The following FOXN2 variants were observed in gnomAD, a reference collection of about 807,000 sequenced individuals.
The protein encoded by FOXN2 is forkhead box protein N2.
In FOXN2, 19 loss-of-function variants were observed where a neutral mutation model predicts 41.2. That is an observed-to-expected ratio of 0.46 (90% CI 0.32 to 0.68). The LOEUF is 0.68. FOXN2 is among the 30% of genes least tolerant of loss of function. The pLI is 0.03. For synonymous variants in FOXN2, 195 were observed against 176.8 expected, an observed-to-expected ratio of 1.10 and a Z score of -0.82; for missense variants, 587 against 509.4, an observed-to-expected ratio of 1.15 and a Z score of -1.47.
chr2:48,337,206 A>G (rs1016543596), intron 2 of FOXN2, among the ~76,000 whole-genome samples: 4 of 152,048 alleles, frequency 2.6e-5, no homozygotes, highest in Admixed American at 6.5e-5. Context: ...AAGTGAGAAC[A>G]TGCGACGTTT....
chr2:48,320,031 A>G (rs1437740086), intron 1 of FOXN2, among the ~76,000 whole-genome samples: 1 of 151,962 alleles, frequency 6.6e-6, no homozygotes, highest in Non-Finnish European at 1.5e-5. Flanking sequence ...TGACACATTT[A>G]TATCTTTGTA....
intron 2 of FOXN2, among the ~76,000 whole-genome samples, chr2:48,341,640 A>G (rs961954443): frequency 1.3e-5 from 2 of 152,234 alleles, no homozygotes; most frequent in Admixed American, 6.5e-5. Flanking sequence ...ATTTGGAAAG[A>G]AGAGCTCATT....
In FOXN2 at chr2:48,336,447, GTGTGTGTGTGTA is replaced by G. The variant is rs1190365398; in HGVS notation, c.-15+7747_-15+7758del. ...TATATATATGTATATGTGTGTGTGT[GTGTGTGTGTGTA>G]TATATATTTATTTATTTACGAGCAG... On this transcript the variant is annotated intron_variant, in intron 2 of 6. Coordinates refer to ENST00000340553, the MANE Select transcript of FOXN2 (RefSeq NM_002158.4). Among the ~76,000 whole-genome samples, 115 of 148,528 alleles carry G rather than the reference GTGTGTGTGTGTA, an allele frequency of 7.7e-4. 3 individuals are homozygous for G. The South Asian group carries it at 0.022, about 28-fold the overall frequency.
intron 3 of FOXN2, among the ~76,000 whole-genome samples, chr2:48,349,623 A>G (rs1388796446): frequency 6.6e-6 from 1 of 152,102 alleles, no homozygotes; most frequent in African/African-American, 2.4e-5. Context: ...AAAATACAAC[A>G]AATTAGCCAG....
intron 2 of FOXN2, among the ~76,000 whole-genome samples, 174 bp downstream of exon 2, chr2:48,328,876 C>G (rs1287643616): frequency 6.6e-6 from 1 of 151,812 alleles, no homozygotes; most frequent in Non-Finnish European, 1.5e-5. Context: ...TGGTTCTTTT[C>G]TATTGTATTT....
intron 5 of FOXN2, among the ~76,000 whole-genome samples, chr2:48,366,810 A>G (rs951211789): frequency 2.0e-5 from 3 of 151,902 alleles, no homozygotes; most frequent in Admixed American, 6.6e-5. Context: ...GAATAATTCT[A>G]ATTTCAAAGC....
intron 5 of FOXN2, among the ~76,000 whole-genome samples, chr2:48,367,254 G>A (rs1672593797): frequency 6.6e-6 from 1 of 152,092 alleles, no homozygotes; most frequent in African/African-American, 2.4e-5. Context: ...AAATTCACCT[G>A]TTTAAAAATA....
intron 1 of FOXN2, among the ~76,000 whole-genome samples, chr2:48,315,431 C>T (rs961309654): frequency 2.0e-5 from 3 of 152,152 alleles, no homozygotes; most frequent in Non-Finnish European, 4.4e-5. Flanking sequence ...GGCACCCTCT[C>T]GCCCCTCCAC....
In FOXN2 at chr2:48,377,082, A is replaced by G. The variant is rs1558646973; in HGVS notation, c.*1639A>G. On this transcript the variant is annotated 3_prime_UTR_variant, in exon 7 of 7. Coordinates refer to ENST00000340553, the MANE Select transcript of FOXN2 (RefSeq NM_002158.4). ...CTTTAAGTCAGGGATAACAGTATTA[A>G]TGTTCTCTGTTCTGTTTCCATGTTA... 6.6e-6 allele frequency: 1 copy of G among 151,984 alleles called. No individual in the cohort carries two copies. Among genetic ancestry groups the G allele is most frequent in the African/African-American group, 2.4e-5 (1 of 41,434 alleles). The allele number at this position is 151,984 out of a possible 1,614,324, so 9.4% of individuals were successfully genotyped here.
At chr2:48,314,541 C>A (rs900184145), upstream of FOXN2, 1 of 152,284 alleles carries the variant, frequency 6.6e-6, no homozygotes, top group Non-Finnish European at 1.5e-5. Context: ...CGGCCGAGCC[C>A]CCTTCCTCGG....
chr2:48,336,774 G>A (rs920139578), intron 2 of FOXN2, among the ~76,000 whole-genome samples: 1 of 151,790 alleles, frequency 6.6e-6, no homozygotes, highest in African/African-American at 2.4e-5. Flanking sequence ...GGAAAATGTT[G>A]AAAGTAAAAT....
rs141222849 is a variant in FOXN2 at position 48,359,093 on chromosome 2, C to G, written c.584C>G (p.Pro195Arg). ...TGGTGTGTTGATCCGGAATATAAACCCAATCTTATCCAGGCACTGAAGAAG... is the reference window on the plus strand; with the variant it reads ...TGGTGTGTTGATCCGGAATATAAACGCAATCTTATCCAGGCACTGAAGAAG... ...SLWCVDPEYKPNLIQALKKQP... is the reference protein window; with the variant it reads ...SLWCVDPEYKRNLIQALKKQP... Residue 195 changes from proline to arginine, a missense_variant, in exon 4 of 7, where the codon CCC becomes CGC. By Grantham distance (103) the Pro-to-Arg change is moderately radical. Coordinates refer to ENST00000340553, the MANE Select transcript of FOXN2 (RefSeq NM_002158.4). 4.3e-6 allele frequency: 7 copies of G among 1,613,346 alleles called. No homozygotes were observed. In the African/African-American group the frequency reaches 9.3e-5, roughly 22 times the overall value.
chr2:48,361,483 G>A (rs1026672057), intron 4 of FOXN2, among the ~76,000 whole-genome samples: 19 of 149,780 alleles, frequency 1.3e-4, no homozygotes, highest in Admixed American at 3.3e-4. Context: ...AAAAAAAAAA[G>A]ATTAAACTAC....
intron 5 of FOXN2, among the ~76,000 whole-genome samples, chr2:48,363,380 TAAA>T (rs995775083): frequency 2.0e-5 from 3 of 150,606 alleles, no homozygotes; most frequent in Admixed American, 1.3e-4. Flanking sequence ...TTTAAAAAAT[TAAA>T]AAGTTTATAA....
rs1031905226 is a variant in FOXN2, at chr2:48,346,817, A to G, written c.537+66A>G. 6.8e-6 allele frequency: 9 copies of G among 1,328,662 alleles called. No individual in the cohort carries two copies. The African/African-American group carries it at 1.2e-4, about 17-fold the overall frequency. The allele number at this position is 1,328,662 out of a possible 1,614,324, so 82.3% of individuals were successfully genotyped here. On this transcript the variant is annotated intron_variant, in intron 3 of 6. Transcript: ENST00000340553. ...GGACTAATTAACATGGAGCCCTTAA[A>G]ATATCTGGAAATCGGGGAGACAATA...
intron 3 of FOXN2, among the ~76,000 whole-genome samples, chr2:48,351,879 A>G (rs1291420851): frequency 6.6e-6 from 1 of 152,220 alleles, no homozygotes; most frequent in African/African-American, 2.4e-5. Context: ...TGCTTTGAAA[A>G]AAGAGAACAG....
rs564012324 is a variant in FOXN2 at position 48,354,468 on chromosome 2, C to T, written c.538-4579C>T. 8.5e-5 allele frequency among the ~76,000 whole-genome samples: 13 copies of T among 152,234 alleles called. No homozygotes were observed. In the South Asian group the frequency reaches 2.7e-3, roughly 32 times the overall value. ...TACAAAAATTAGCTGGGTGTGGTGG[C>T]GTGTGCCTGTAATCCCAGCTACTTG... On this transcript the variant is annotated intron_variant, in intron 3 of 6. Coordinates refer to ENST00000340553, the MANE Select transcript of FOXN2 (RefSeq NM_002158.4).
chr2:48,359,145 AAAGT>A lies in FOXN2; in HGVS notation c.638+2_638+5del. 1 of 1,610,858 alleles carries A rather than the reference AAAGT, an allele frequency of 6.2e-7. No homozygotes were observed. The highest frequency in any genetic ancestry group is 8.5e-7 in the Non-Finnish European group (1 of 1,177,268). The stretch of plus-strand genomic sequence containing the variant: ...AACCTTTTTCTTCAGCATCTTCACA[AAAGT>A]AAGGATCTTCCATATAACTGTCAGT... On this transcript the variant is annotated splice_donor_variant and coding_sequence_variant, in exon 4 of 7. Coordinates refer to ENST00000340553, the MANE Select transcript of FOXN2 (RefSeq NM_002158.4). LOFTEE classifies it high-confidence loss of function.
intron 5 of FOXN2, among the ~76,000 whole-genome samples, chr2:48,363,256 A>G (rs988460196): frequency 1.2e-4 from 18 of 152,198 alleles, no homozygotes; most frequent in African/African-American, 4.3e-4. Context: ...GTTTTTAACT[A>G]AAAAGTTTAA....
Sources: gnomAD v4.1 joint callset for allele counts (sites outside exome capture counted in the v4.1 genomes callset) on GRCh38, gnomAD v4.1.1 for gene constraint, MANE v1.5 for transcripts, NCBI Gene and HGNC (gene_info 2026-07-23, HGNC 2026-07-21) for gene names.